NRXN3: variants seen among roughly 807,000 people sequenced by gnomAD.
NRXN3 encodes the protein neurexin 3, also known as neurexin III.
In NRXN3, 32 loss-of-function variants were observed where a neutral mutation model predicts 137.6. The observed-to-expected ratio is 0.23, with a 90% CI of 0.18 to 0.31. The LOEUF (loss-of-function observed/expected upper bound fraction) is 0.31. NRXN3 is among the 10% of genes least tolerant of loss of function. The pLI is 1.00. For missense variants in NRXN3, 1,574 were observed against 2,062.5 expected (o/e 0.76, Z 4.59); for synonymous variants, 798 against 784.5 (o/e 1.02, Z -0.29).
At chr14:79,155,085 G>A (rs373214389) in intron 15 of NRXN3, among the ~76,000 whole-genome samples, 16 of 151,814 alleles carry the variant, frequency 1.1e-4, no homozygotes, top group Admixed American at 2.0e-4. Context: ...TTTCCTCCCC[G>A]TCGTGGAAAA....
chr14:78,289,942 C>G (rs995726588), intron 3 of NRXN3, among the ~76,000 whole-genome samples: 5 of 152,006 alleles, frequency 3.3e-5, no homozygotes, highest in African/African-American at 1.2e-4. Context: ...CAAAACTGCT[C>G]AATGGTAGCT....
intron 15 of NRXN3, among the ~76,000 whole-genome samples, chr14:79,208,924 CTT>C (rs2067209639): frequency 1.3e-5 from 2 of 152,008 alleles, no homozygotes; most frequent in Admixed American, 1.3e-4. Context: ...TGTAGCAAGA[CTT>C]TTGTGAAAAG....
intron 16 of NRXN3, among the ~76,000 whole-genome samples, chr14:79,489,844 C>T (rs1212418395): frequency 6.6e-6 from 1 of 151,730 alleles, no homozygotes; most frequent in Non-Finnish European, 1.5e-5. Flanking sequence ...TCAAGACCAT[C>T]CTGGCTAACA....
intron 20 of NRXN3, among the ~76,000 whole-genome samples, chr14:79,815,191 G>A (rs980978074): frequency 6.6e-6 from 1 of 152,178 alleles, no homozygotes; most frequent in African/African-American, 2.4e-5. Flanking sequence ...TTATCCAGGC[G>A]ATTTGATGCT....
chr14:79,073,831 A>C (rs946624501), intron 15 of NRXN3, among the ~76,000 whole-genome samples: 1 of 152,178 alleles, frequency 6.6e-6, no homozygotes, highest in Non-Finnish European at 1.5e-5. Flanking sequence ...CATTTTCTCA[A>C]GCCAGACTGC....
At chr14:78,299,908 T>C (rs61976019) in intron 4 of NRXN3, among the ~76,000 whole-genome samples, 4,558 of 152,300 alleles carry the variant, frequency 0.03, 83 homozygotes, top group African/African-American at 0.048. Flanking sequence ...TAACTGGTGC[T>C]ACTAATATTT....
intron 6 of NRXN3, among the ~76,000 whole-genome samples, chr14:78,677,444 G>A (rs1156474436): frequency 5.3e-5 from 8 of 151,928 alleles, no homozygotes; most frequent in African/African-American, 1.9e-4. Context: ...AAAAACCCTG[G>A]AAGGAGAGCT....
chr14:78,933,344 A>G (rs1255524444), intron 10 of NRXN3, among the ~76,000 whole-genome samples: 2 of 152,358 alleles, frequency 1.3e-5, no homozygotes, highest in South Asian at 2.1e-4. Context: ...CCAAGATAAC[A>G]TAGCAATTTG....
chr14:78,461,514 G>T (rs942585794), intron 4 of NRXN3, among the ~76,000 whole-genome samples: 1 of 152,182 alleles, frequency 6.6e-6, no homozygotes, highest in Non-Finnish European at 1.5e-5. Context: ...TTGCATGGAT[G>T]TTCTCTCGGT....
chr14:78,727,609 C>T lies in NRXN3; in HGVS notation c.2044+12470C>T, dbSNP rs148398933. Among the ~76,000 whole-genome samples, 392 of 152,230 alleles carry T rather than the reference C, an allele frequency of 2.6e-3. 2 individuals carry two copies. The highest frequency in any genetic ancestry group is 8.8e-3 in the African/African-American group (365 of 41,534). ...AATTAGCCAGGCATGGTGGTGCTTG[C>T]CTGTAATCCCAGCTACTTGGGAGGC... On this transcript the variant is annotated intron_variant, in intron 8 of 20. Coordinates refer to ENST00000335750, the MANE Select transcript of NRXN3 (RefSeq NM_001330195.2).
intron 4 of NRXN3, among the ~76,000 whole-genome samples, chr14:78,591,663 A>G (rs911165970): frequency 1.3e-5 from 2 of 152,188 alleles, no homozygotes; most frequent in African/African-American, 4.8e-5. Flanking sequence ...TTGGCCCTAG[A>G]GATGTGCCCA....
At chr14:79,141,137 T>G (rs531843109) in intron 15 of NRXN3, among the ~76,000 whole-genome samples, 1 of 152,300 alleles carries the variant, frequency 6.6e-6, no homozygotes, top group Non-Finnish European at 1.5e-5. Flanking sequence ...TGGCCATTTA[T>G]TCCTGAGTGT....
At chr14:78,725,600 A>G (rs1351597169) in intron 8 of NRXN3, among the ~76,000 whole-genome samples, 1 of 152,234 alleles carries the variant, frequency 6.6e-6, no homozygotes, top group Non-Finnish European at 1.5e-5. Flanking sequence ...TCAAGGCTAT[A>G]TTGAGAGTAG....
At chr14:78,181,344 T>G (rs1366480000) in intron 1 of NRXN3, among the ~76,000 whole-genome samples, 1 of 152,168 alleles carries the variant, frequency 6.6e-6, no homozygotes, top group African/African-American at 2.4e-5. Context: ...CCAGGTGAGG[T>G]GGAGATCTCT....
intron 4 of NRXN3, among the ~76,000 whole-genome samples, chr14:78,359,365 A>G (rs2084785131): frequency 1.3e-5 from 2 of 152,192 alleles, no homozygotes; most frequent in Non-Finnish European, 2.9e-5. Context: ...CAGGCAGGGC[A>G]GGCTTTGTGG....
At chr14:79,845,607 A>ATGGG (rs2099365824) in intron 20 of NRXN3, among the ~76,000 whole-genome samples, 2 of 142,000 alleles carry the variant, frequency 1.4e-5, no homozygotes, top group African/African-American at 5.2e-5. Flanking sequence ...AGAGAGACAG[A>ATGGG]GAGAGAGACG....
At chr14:78,882,123 A>C (rs2099130771) in intron 10 of NRXN3, among the ~76,000 whole-genome samples, 1 of 151,814 alleles carries the variant, frequency 6.6e-6, no homozygotes, top group Non-Finnish European at 1.5e-5. Context: ...AGTTTGGTGA[A>C]CTTCTGCCTA....
At chr14:79,486,107 G>T (rs1484698425) in intron 16 of NRXN3, among the ~76,000 whole-genome samples, 5 of 152,008 alleles carry the variant, frequency 3.3e-5, no homozygotes, top group South Asian at 2.1e-4. Context: ...TTACAATGAA[G>T]AAAACAAATT....
intron 20 of NRXN3, among the ~76,000 whole-genome samples, chr14:79,846,291 T>C (rs912935709): frequency 1.3e-5 from 2 of 152,160 alleles, no homozygotes; most frequent in Non-Finnish European, 2.9e-5. Context: ...TGTTTTTAAA[T>C]ATAAAAATAA....
Sources: allele counts gnomAD v4.1 joint callset (sites outside exome capture counted in the v4.1 genomes callset), GRCh38; gene constraint gnomAD v4.1.1; transcripts MANE v1.5; gene names NCBI Gene and HGNC (gene_info 2026-07-23, HGNC 2026-07-21).